NALF1: variants seen among roughly 807,000 people sequenced by gnomAD.
NALF1 encodes the protein family with sequence similarity 155 member A.
A neutral mutation model predicts 48.4 loss-of-function variants in NALF1; 3 were observed. That is an observed-to-expected ratio of 0.06 (90% CI 0.03 to 0.16). NALF1 has a LOEUF of 0.16. Ranked by LOEUF, NALF1 falls within the 10% of genes least tolerant of loss-of-function variation. The pLI, the probability that NALF1 is intolerant of heterozygous loss-of-function variation, is 1.00. For synonymous variants in NALF1, 262 were observed against 245.7 expected, an observed-to-expected ratio of 1.07 and a Z score of -0.62; for missense variants, 526 against 571.5, an observed-to-expected ratio of 0.92 and a Z score of 0.81.
intron 2 of NALF1, among the ~76,000 whole-genome samples, chr13:107,178,263 G>T (rs894991995): frequency 1.3e-5 from 2 of 152,128 alleles, no homozygotes; most frequent in African/African-American, 4.8e-5. Flanking sequence ...AAAACGAAGA[G>T]ACAGCCCACA....
rs371201609 is a variant in NALF1, at chr13:107,644,642, C to CATATATATATATATATATATATATAT, written c.915+221039_915+221040insATATATATATATATATATATATATAT. On this transcript the variant is annotated intron_variant, in intron 1 of 2. Coordinates refer to ENST00000375915, the MANE Select transcript of NALF1 (RefSeq NM_001080396.3). Reference sequence around the variant, plus strand: ...GTGTGTGTGTATACATACATACATACATACATATATATATATATATATATG... The same window carrying CATATATATATATATATATATATATAT: ...GTGTGTGTGTATACATACATACATACATATATATATATATATATATATATATATACATATATATATATATATATATG... 3.6e-3 allele frequency among the ~76,000 whole-genome samples: 331 copies of CATATATATATATATATATATATATAT among 91,990 alleles called. 8 individuals are homozygous for CATATATATATATATATATATATATAT. The highest frequency in any genetic ancestry group is 6.3e-3 in the East Asian group (12 of 1,912). The allele number at this position is 91,990 out of a possible 152,430, so 60.3% of individuals were successfully genotyped here. A position where few individuals can be genotyped will look rare whatever the true frequency, so the allele number is the denominator to read the frequency against.
At chr13:107,440,565 C>T (rs935933237) in intron 1 of NALF1, among the ~76,000 whole-genome samples, 25 of 152,112 alleles carry the variant, frequency 1.6e-4, no homozygotes, top group African/African-American at 5.1e-4. Flanking sequence ...AAGAGGACAC[C>T]GTGTTCTCTG....
intron 1 of NALF1, among the ~76,000 whole-genome samples, chr13:107,810,634 G>A (rs1878960556): frequency 6.6e-6 from 1 of 151,992 alleles, no homozygotes; most frequent in Non-Finnish European, 1.5e-5. Flanking sequence ...TTCCGTTCTT[G>A]TCTTGGTTAT....
chr13:107,310,433 C>T (rs980211923), intron 1 of NALF1, among the ~76,000 whole-genome samples: 4 of 150,808 alleles, frequency 2.7e-5, no homozygotes, highest in African/African-American at 4.9e-5. Context: ...AAAGTAATTT[C>T]TCCTAAAACA....
intron 2 of NALF1, among the ~76,000 whole-genome samples, chr13:107,194,050 ATCTATCTATAT>A (rs1879341379): frequency 8.8e-6 from 1 of 113,870 alleles, no homozygotes; most frequent in Non-Finnish European, 1.9e-5. Flanking sequence ...CTATCTATCT[ATCTATCTATAT>A]ATCAATCTAT....
chr13:107,588,495 A>C (rs928089075), intron 1 of NALF1, among the ~76,000 whole-genome samples: 1 of 152,076 alleles, frequency 6.6e-6, no homozygotes, highest in African/African-American at 2.4e-5. Flanking sequence ...ACCTGCAATT[A>C]TGAGGGTTTG....
chr13:107,377,930 C>A (rs1206995203), intron 1 of NALF1, among the ~76,000 whole-genome samples: 1 of 152,138 alleles, frequency 6.6e-6, no homozygotes, highest in East Asian at 1.9e-4. Flanking sequence ...ACAAAGTATG[C>A]ATGTTATTAT....
At chr13:107,242,462 G>T (rs550415311) in intron 1 of NALF1, among the ~76,000 whole-genome samples, 1 of 152,236 alleles carries the variant, frequency 6.6e-6, no homozygotes, top group South Asian at 2.1e-4. Flanking sequence ...GGGACAAGGG[G>T]GTTTCTTTGG....
intron 1 of NALF1, among the ~76,000 whole-genome samples, chr13:107,482,209 G>T (rs1257306138): frequency 3.9e-5 from 6 of 152,214 alleles, no homozygotes; most frequent in African/African-American, 1.2e-4. Flanking sequence ...TCTGCCTCCA[G>T]ATGGCCTTTG....
intron 2 of NALF1, among the ~76,000 whole-genome samples, chr13:107,188,012 A>T (rs1879212642): frequency 6.6e-6 from 1 of 152,134 alleles, no homozygotes. Flanking sequence ...TCATAATAAG[A>T]TTTACAGAGA....
chr13:107,586,195 G>A (rs1878451908), intron 1 of NALF1, among the ~76,000 whole-genome samples: 1 of 152,132 alleles, frequency 6.6e-6, no homozygotes, highest in Non-Finnish European at 1.5e-5. Context: ...GGGAAAGCTG[G>A]TTTGAATCTG....
chr13:107,172,096 G>A (rs1055335236), intron 2 of NALF1, among the ~76,000 whole-genome samples: 2 of 152,186 alleles, frequency 1.3e-5, no homozygotes, highest in Admixed American at 1.3e-4. Flanking sequence ...ACCCAAGCCT[G>A]TATCACTCGC....
At chr13:107,390,998 G>T (rs773032280) in intron 1 of NALF1, among the ~76,000 whole-genome samples, 4 of 152,104 alleles carry the variant, frequency 2.6e-5, no homozygotes, top group Non-Finnish European at 5.9e-5. Context: ...TCTACCATGT[G>T]CCAGGCATCA....
At chr13:107,700,020 G>A (rs1364869440) in intron 1 of NALF1, among the ~76,000 whole-genome samples, 1 of 151,810 alleles carries the variant, frequency 6.6e-6, no homozygotes, top group African/African-American at 2.4e-5. Context: ...AAAGAAATAG[G>A]AAGCTATCCC....
intron 1 of NALF1, among the ~76,000 whole-genome samples, chr13:107,287,883 T>C (rs1881530429): frequency 6.6e-6 from 1 of 151,438 alleles, no homozygotes; most frequent in African/African-American, 2.4e-5. Flanking sequence ...TTTTTTGTAT[T>C]TTTAGTAGAG....
chr13:107,252,714 G>C (rs2138845943), intron 1 of NALF1, among the ~76,000 whole-genome samples: 1 of 152,320 alleles, frequency 6.6e-6, no homozygotes, highest in East Asian at 1.9e-4. Context: ...TGGGACCACG[G>C]TTAGGTTTGT....
intron 1 of NALF1, among the ~76,000 whole-genome samples, chr13:107,675,293 G>A (rs574992361): frequency 1.3e-5 from 2 of 152,266 alleles, no homozygotes; most frequent in Admixed American, 1.3e-4. Flanking sequence ...TATAGGCTCT[G>A]GGGCTGCAGG....
chr13:107,759,390 A>T (rs745573812), intron 1 of NALF1, among the ~76,000 whole-genome samples: 1 of 152,088 alleles, frequency 6.6e-6, no homozygotes, highest in Non-Finnish European at 1.5e-5. Context: ...TAGTATTTTT[A>T]GTAGAGGCGG....
At chr13:107,522,076 C>A (rs1876261273) in intron 1 of NALF1, among the ~76,000 whole-genome samples, 1 of 152,056 alleles carries the variant, frequency 6.6e-6, no homozygotes, top group African/African-American at 2.4e-5. Flanking sequence ...ATTAGAGATA[C>A]TGTTAAAGGT....
Sources: allele counts gnomAD v4.1 joint callset (sites outside exome capture counted in the v4.1 genomes callset), GRCh38; gene constraint gnomAD v4.1.1; transcripts MANE v1.5; gene names NCBI Gene and HGNC (gene_info 2026-07-23, HGNC 2026-07-21).